Variants in SVIL observed in about 807,000 individuals in gnomAD.
SVIL encodes supervillin, also known as archvillin.
SVIL carries 101 observed loss-of-function variants against 240.4 expected under a neutral mutation model. The ratio of observed to expected loss-of-function variants is 0.42; its 90% CI spans 0.36 to 0.50. The LOEUF is 0.50. SVIL is among the 20% of genes least tolerant of loss of function. SVIL has a pLI of 0.01. For synonymous variants in SVIL, 999 were observed against 1,100.0 expected, an observed-to-expected ratio of 0.91 and a Z score of 1.82; for missense variants, 2,512 against 2,818.7, an observed-to-expected ratio of 0.89 and a Z score of 2.46.
chr10:29,651,473 A>G (rs1443477373), intron 3 of SVIL, among the ~76,000 whole-genome samples: 3 of 151,352 alleles, frequency 2.0e-5, no homozygotes, highest in African/African-American at 4.9e-5. Context: ...TCCTATGACT[A>G]CCTCTCGGTA....
At position 29,531,309 on chromosome 10, in the gene SVIL, T is replaced by C. The variant is rs1951350242; in HGVS notation, c.2010-21A>G. On this transcript the variant is annotated intron_variant, in intron 9 of 37. Coordinates refer to ENST00000355867, the MANE Select transcript of SVIL (RefSeq NM_021738.3). ...TGCACCTAGGAAAGACATTAGCAAA[T>C]AACAATAATACATTAGCAGGTGGGA... is the stretch of plus-strand genomic sequence containing the variant. 3.1e-6 allele frequency: 5 copies of C among 1,611,080 alleles called. No homozygotes were observed. The East Asian group carries it at 1.1e-4, about 36-fold the overall frequency.
At chr10:29,522,266 G>T in intron 16 of SVIL, 144 bp downstream of exon 16, 1 of 839,244 alleles carries the variant, frequency 1.2e-6, no homozygotes, top group Non-Finnish European at 1.8e-6. Flanking sequence ...CAGCTTCCTA[G>T]AATTACTCCA....
At chr10:29,491,690 C>T (rs1265095828) in intron 21 of SVIL, among the ~76,000 whole-genome samples, 2 of 152,150 alleles carry the variant, frequency 1.3e-5, no homozygotes, top group Non-Finnish European at 2.9e-5. Flanking sequence ...AGCGATCTCC[C>T]AACAGACTCC....
chr10:29,619,601 G>A (rs139484357), intron 1 of SVIL, among the ~76,000 whole-genome samples: 35 of 150,394 alleles, frequency 2.3e-4, no homozygotes, highest in African/African-American at 8.5e-4. Flanking sequence ...TTCAGATGAT[G>A]AGCTTCGTGG....
chr10:29,469,770 C>T (rs11007606), intron 32 of SVIL, among the ~76,000 whole-genome samples: 14,461 of 152,224 alleles, frequency 0.095, 876 homozygotes, highest in Non-Finnish European at 0.13. Context: ...AGTGCTGTAC[C>T]CGGGAAGTGC....
At chr10:29,524,407 A>G (rs1050348628) in intron 14 of SVIL, 65 bp downstream of exon 14, 18 of 1,599,194 alleles carry the variant, frequency 1.1e-5, no homozygotes, top group Non-Finnish European at 1.5e-5. Flanking sequence ...CCTCAGAGGA[A>G]TACTGCAGTG....
intron 17 of SVIL, among the ~76,000 whole-genome samples, chr10:29,501,696 C>T (rs1351968671): frequency 2.6e-5 from 4 of 152,240 alleles, no homozygotes; most frequent in Non-Finnish European, 5.9e-5. Context: ...TTTAAATAAA[C>T]GATGAGGTTC....
intron 2 of SVIL, among the ~76,000 whole-genome samples, chr10:29,565,825 T>G (rs1316592305): frequency 6.6e-6 from 1 of 152,108 alleles, no homozygotes; most frequent in Non-Finnish European, 1.5e-5. Context: ...CCTAGGAGTT[T>G]GAGGTTGCAG....
At chr10:29,720,642 T>G (rs1274404865) in intron 1 of SVIL, among the ~76,000 whole-genome samples, 1 of 152,242 alleles carries the variant, frequency 6.6e-6, no homozygotes, top group Non-Finnish European at 1.5e-5. Context: ...AGCTTTCTCC[T>G]TATTATTTAA....
rs779098051 is a variant in SVIL at position 29,493,329 on chromosome 10, G to T, written c.3904C>A (p.Pro1302Thr). The change falls in exon 21 of 38, where the codon CCA becomes ACA. Residue 1302 changes from proline to threonine, a missense_variant. Physicochemically the swap from Pro to Thr is conservative, Grantham distance 38. Coordinates refer to ENST00000355867, the MANE Select transcript of SVIL (RefSeq NM_021738.3). ...TGKSVKEVMK[P>T]DDDETFAKFY... Reference sequence around the variant, plus strand: ...TTGGCAAAGGTTTCATCATCATCTGGCTTCATCACCTCCTTCACAGATTTG... The same window carrying T: ...TTGGCAAAGGTTTCATCATCATCTGTCTTCATCACCTCCTTCACAGATTTG... 6.2e-7 allele frequency: 1 copy of T among 1,614,066 alleles called. No homozygotes were observed. The highest frequency in any genetic ancestry group is 1.7e-5 in the Admixed American group (1 of 60,012).
chr10:29,702,108 G>T (rs2132646262), intron 1 of SVIL, among the ~76,000 whole-genome samples: 1 of 147,648 alleles, frequency 6.8e-6, no homozygotes, highest in South Asian at 2.2e-4. Flanking sequence ...CCGGGAGGTG[G>T]AGATTGCAGT....
intron 2 of SVIL, among the ~76,000 whole-genome samples, chr10:29,568,200 G>A (rs376892324): frequency 1.6e-4 from 24 of 151,718 alleles, no homozygotes; most frequent in African/African-American, 5.6e-4. Flanking sequence ...GTACTTAGAT[G>A]TGCCGCTTGA....
At chr10:29,519,077 T>C (rs1427819747) in intron 16 of SVIL, among the ~76,000 whole-genome samples, 1 of 151,698 alleles carries the variant, frequency 6.6e-6, no homozygotes, top group Non-Finnish European at 1.5e-5. Flanking sequence ...TTCCAGACTC[T>C]ATTTCTGAGA....
intron 1 of SVIL, among the ~76,000 whole-genome samples, chr10:29,609,780 G>A (rs1957170185): frequency 6.6e-6 from 1 of 152,208 alleles, no homozygotes; most frequent in African/African-American, 2.4e-5. Flanking sequence ...GCCTGGCTGT[G>A]CAGTGGCCAG....
chr10:29,474,617 A>G (rs1012190276), intron 29 of SVIL, among the ~76,000 whole-genome samples: 2 of 150,784 alleles, frequency 1.3e-5, no homozygotes, highest in African/African-American at 4.9e-5. Context: ...AAATAAATAA[A>G]TAAATAAATA....
At chr10:29,633,223 C>T (rs374399317) in intron 1 of SVIL, among the ~76,000 whole-genome samples, 140 of 122,582 alleles carry the variant, frequency 1.1e-3, no homozygotes, top group African/African-American at 4.0e-3. Context: ...GGTGACAGCA[C>T]GAGACTCCAT....
At chr10:29,680,736 T>G (rs1013643440) in intron 2 of SVIL, among the ~76,000 whole-genome samples, 1 of 152,198 alleles carries the variant, frequency 6.6e-6, no homozygotes, top group African/African-American at 2.4e-5. Flanking sequence ...CTGGCCAACA[T>G]AGTAAAACCC....
At chr10:29,567,974 G>A (rs1156932920) in intron 2 of SVIL, among the ~76,000 whole-genome samples, 2 of 149,724 alleles carry the variant, frequency 1.3e-5, no homozygotes, top group African/African-American at 2.5e-5. Flanking sequence ...CTGAGATCGC[G>A]TCACTGCACT....
intron 18 of SVIL, 128 bp from the exon 19 acceptor site, chr10:29,495,309 A>G: frequency 2.0e-6 from 1 of 491,364 alleles, no homozygotes. Context: ...ACATGCAGGC[A>G]CACACACACA....
Sources: allele counts gnomAD v4.1 joint callset (sites outside exome capture counted in the v4.1 genomes callset), GRCh38; gene constraint gnomAD v4.1.1; transcripts MANE v1.5; gene names NCBI Gene and HGNC (gene_info 2026-07-23, HGNC 2026-07-21).